LIG3: variants seen among roughly 807,000 people sequenced by gnomAD.
The protein encoded by LIG3 is DNA ligase 3, also known as ligase II, DNA, ATP-dependent.
A neutral mutation model predicts 110.9 loss-of-function variants in LIG3; 58 were observed. The ratio of observed to expected loss-of-function variants is 0.52; its 90% confidence interval spans 0.42 to 0.65. The LOEUF is 0.65. LIG3 is among the 30% of genes least tolerant of loss of function. The pLI is 0.00. For missense variants in LIG3, 1,094 were observed against 1,273.8 expected, an observed-to-expected ratio of 0.86 and a Z score of 2.15; for synonymous variants, 422 against 472.8, an observed-to-expected ratio of 0.89 and a Z score of 1.39.
In LIG3 at chr17:34,994,252, A is replaced by C. The variant is rs766198780; in HGVS notation, c.1456-24A>C. On this transcript the variant is annotated intron_variant, in intron 8 of 19. Coordinates refer to ENST00000378526, the MANE Select transcript of LIG3 (RefSeq NM_013975.4). ...TAGCAGCCCCTCATTGAAAGTCTCCAGGCTTTGCTTTCCCCACCCCAAGGC... is the reference window on the plus strand; with the variant it reads ...TAGCAGCCCCTCATTGAAAGTCTCCCGGCTTTGCTTTCCCCACCCCAAGGC... 4 of 1,603,770 alleles carry C rather than the reference A, an allele frequency of 2.5e-6. No individual in the cohort carries two copies. In the African/African-American group the frequency reaches 5.4e-5, roughly 22 times the overall value.
chr17:35,004,637 C>T lies in LIG3; in HGVS notation c.*131C>T, dbSNP rs976880336. The T allele has an allele frequency of 5.7e-5, 39 of 679,866 alleles. No homozygotes were observed. In the South Asian group the frequency reaches 7.1e-4, roughly 12 times the overall value. The allele number at this position is 679,866 out of a possible 1,614,324, so 42.1% of individuals were successfully genotyped here. On this transcript the variant is annotated 3_prime_UTR_variant, in exon 20 of 20. Transcript: ENST00000378526. ...TTCTCCCAAACCCACCAGTTCTCCA[C>T]TGTCTCTTCTGGACCAGGAATTAGT...
chr17:34,985,268 TA>T (rs1206280550), intron 2 of LIG3, among the ~76,000 whole-genome samples: 2 of 152,228 alleles, frequency 1.3e-5, no homozygotes, highest in Non-Finnish European at 2.9e-5. Flanking sequence ...TCAGTGTCTG[TA>T]AAATAATGTT....
chr17:34,981,931 G>A (rs2090598746), intron 1 of LIG3, among the ~76,000 whole-genome samples: 1 of 152,218 alleles, frequency 6.6e-6, no homozygotes, highest in Admixed American at 6.5e-5. Context: ...TCTGATTCAA[G>A]TTGCTGAATG....
rs1239681606 is a variant in LIG3, at chr17:34,992,640, G to A, written c.1403G>A (p.Arg468Lys). 1.2e-6 allele frequency: 2 copies of A among 1,613,410 alleles called. No individual in the cohort carries two copies. Among genetic ancestry groups the A allele is most frequent in the African/African-American group, 1.3e-5 (1 of 75,036 alleles). The change falls in exon 8 of 20, where the codon AGA becomes AAA. Residue 468 changes from arginine to lysine, a missense_variant. Arg to Lys is a conservative substitution (Grantham distance 26). Transcript: ENST00000378526. ...GAGGTGGAGAAGGAGCCGGGCCAGA[G>A]ACGAGCTCTGAGCGTCCAGGCCTCG... ...AQEVEKEPGQ[R>K]RALSVQASLM...
intron 19 of LIG3, chr17:35,003,379 A>G (rs1597804832): frequency 3.9e-6 from 1 of 256,516 alleles, no homozygotes; most frequent in South Asian, 6.1e-5. Flanking sequence ...GCGCACTGCA[A>G]CCTCCGCTCA....
intron 14 of LIG3, chr17:34,999,093 A>G (rs1416674127): frequency 3.5e-6 from 2 of 566,114 alleles, no homozygotes; most frequent in African/African-American, 3.7e-5. Flanking sequence ...AATGCCCCAG[A>G]GCCCAACAGG....
chr17:35,001,582 G>C (rs2090842461), intron 17 of LIG3, among the ~76,000 whole-genome samples, 179 bp downstream of exon 17: 1 of 152,172 alleles, frequency 6.6e-6, no homozygotes, highest in Admixed American at 6.5e-5. Flanking sequence ...CACAGCACTA[G>C]ACCTCCTTCT....
In LIG3 at chr17:35,001,259, A is replaced by T. The variant is rs1251033996; in HGVS notation, c.2334A>T (p.Lys778Asn). ...ACCTGCTGGCTTACTCCTGACAGAAAGCTGCCGTGTGGGAGATCACAGGGG... is the reference window on the plus strand; with the variant it reads ...ACCTGCTGGCTTACTCCTGACAGAATGCTGCCGTGTGGGAGATCACAGGGG... ...YPDFIVPDPK[K>N]AAVWEITGAE... Residue 778 changes from lysine to asparagine, a missense_variant and splice_region_variant, in exon 17 of 20, where the codon AAA becomes AAT. Coordinates refer to ENST00000378526, the MANE Select transcript of LIG3 (RefSeq NM_013975.4). 5.0e-6 allele frequency: 8 copies of T among 1,613,426 alleles called. No homozygotes were observed. The highest frequency in any genetic ancestry group is 5.9e-6 in the Non-Finnish European group (7 of 1,179,420).
At chr17:34,999,486 T>G in intron 15 of LIG3, 37 bp downstream of exon 15, 1 of 1,599,528 alleles carries the variant, frequency 6.3e-7, no homozygotes, top group Non-Finnish European at 8.5e-7. Context: ...GCCTCTGGAC[T>G]GGCCGCCATC....
At chr17:34,999,707 C>A in intron 15 of LIG3, 75 bp from the exon 16 acceptor site, 1 of 1,366,616 alleles carries the variant, frequency 7.3e-7, no homozygotes, top group Non-Finnish European at 1.0e-6. Flanking sequence ...TTCTTATAAT[C>A]TCATTACCAA....
chr17:35,000,182 C>T (rs1332532510), intron 16 of LIG3, among the ~76,000 whole-genome samples: 1 of 152,212 alleles, frequency 6.6e-6, no homozygotes, highest in African/African-American at 2.4e-5. Flanking sequence ...CAGGACTTCC[C>T]TAAGGTTATT....
intron 3 of LIG3, 38 bp downstream of exon 3, chr17:34,986,169 T>C (rs2142238713): frequency 1.3e-6 from 2 of 1,598,802 alleles, no homozygotes; most frequent in East Asian, 4.5e-5. Context: ...GTTATAGTGC[T>C]GCTTTTATTT....
rs1420590701 is a variant in LIG3 at position 35,004,387 on chromosome 17, G to T, written c.2911G>T (p.Asp971Tyr). 2.5e-6 allele frequency: 4 copies of T among 1,614,218 alleles called. No homozygotes were observed. Among genetic ancestry groups the T allele is most frequent in the Non-Finnish European group, 3.4e-6 (4 of 1,180,044 alleles). The change falls in exon 20 of 20, where the codon GAT becomes TAT. Residue 971 changes from aspartate (D) to tyrosine (Y), a missense_variant. Physicochemically the swap from Asp to Tyr is radical, Grantham distance 160. Transcript: ENST00000378526. ...CGACGGGGACCTGGTACAGGAATTT[G>T]ATATGACTTCAGCCACGCACGTGCT... ...AFDGDLVQEF[D>Y]MTSATHVLGS... is the part of the protein sequence containing the mutation.
chr17:34,986,695 CT>C (rs1391920341), intron 3 of LIG3, among the ~76,000 whole-genome samples: 1 of 152,190 alleles, frequency 6.6e-6, no homozygotes, highest in Non-Finnish European at 1.5e-5. Flanking sequence ...TTTGTCAAGA[CT>C]TTTTCCCCTT....
chr17:34,992,383 C>T (rs574451341), intron 7 of LIG3, 141 bp from the exon 8 acceptor site: 3 of 984,290 alleles, frequency 3.0e-6, no homozygotes, highest in East Asian at 4.9e-5. Context: ...TTTCTCTCCT[C>T]TTGTGAAAGT....
rs1261788148 is a variant in LIG3, at chr17:35,004,567, T to C, written c.*61T>C. ...CCTTTACCATACTACTGGACTGGACTCAGGCTGGAGGCAGATAGACACAGT... is the reference window on the plus strand; with the variant it reads ...CCTTTACCATACTACTGGACTGGACCCAGGCTGGAGGCAGATAGACACAGT... On this transcript the variant is annotated 3_prime_UTR_variant, in exon 20 of 20. Transcript: ENST00000378526. 1.4e-6 allele frequency: 2 copies of C among 1,413,222 alleles called. No individual in the cohort carries two copies. Among genetic ancestry groups the C allele is most frequent in the Non-Finnish European group, 2.0e-6 (2 of 1,004,344 alleles). 87.5% of individuals were successfully genotyped at this position (1,413,222 alleles called of 1,614,324 possible). A position where few individuals can be genotyped will look rare whatever the true frequency, so the allele number is the denominator to read the frequency against.
rs1036880170 is a variant in LIG3, at chr17:34,983,296, T to C, written c.291T>C (p.Tyr97=). 6.2e-7 allele frequency: 1 copy of C among 1,614,240 alleles called. No homozygotes were observed. ...CTGAGCAACGGTTCTGTGTGGACTA[T>C]GCCAAGCGTGGCACAGCTGGCTGCA... ...EMAEQRFCVD[Y]AKRGTAGCKK... is the part of the protein sequence containing the mutation. The change falls in exon 2 of 20, where the codon TAT becomes TAC. Residue 97 remains tyrosine (Y), a synonymous_variant. Transcript: ENST00000378526.
intron 17 of LIG3, among the ~76,000 whole-genome samples, 182 bp from the exon 18 acceptor site, chr17:35,001,727 G>A (rs554344007): frequency 4.2e-4 from 64 of 152,326 alleles, no homozygotes; most frequent in Non-Finnish European, 8.8e-4. Flanking sequence ...TTTGTACCCT[G>A]ATTACTCAGG....
intron 11 of LIG3, 36 bp downstream of exon 11, chr17:34,996,689 C>A: frequency 6.5e-7 from 1 of 1,545,410 alleles, no homozygotes; most frequent in Non-Finnish European, 8.9e-7. Context: ...CAGAAACTGC[C>A]AGGAATCTGT....
Sources: allele counts gnomAD v4.1 joint callset (sites outside exome capture counted in the v4.1 genomes callset), GRCh38; gene constraint gnomAD v4.1.1; transcripts MANE v1.5; gene names NCBI Gene and HGNC (gene_info 2026-07-23, HGNC 2026-07-21).